Variants in UBTD1 observed in about 807,000 individuals in gnomAD.
UBTD1 encodes the protein ubiquitin domain-containing protein 1.
In UBTD1, 19 loss-of-function variants were observed where a neutral mutation model predicts 21.7. The ratio of observed to expected loss-of-function variants is 0.87; its 90% confidence interval spans 0.61 to 1.28. The LOEUF is 1.28. UBTD1 is among the 50% of genes most tolerant of loss of function. The probability of loss-of-function intolerance (pLI) is 0.00; values close to 1 mark genes in which losing one functional copy is unlikely to be tolerated. For synonymous variants in UBTD1, 116 were observed against 135.1 expected, an observed-to-expected ratio of 0.86 and a Z score of 0.98; for missense variants, 282 against 315.1, an observed-to-expected ratio of 0.89 and a Z score of 0.80.
intron 1 of UBTD1, among the ~76,000 whole-genome samples, chr10:97,546,216 G>A (rs1214225790): frequency 6.6e-6 from 1 of 152,200 alleles, no homozygotes; most frequent in African/African-American, 2.4e-5. Context: ...GGGGTAGTTG[G>A]TGAGTCTCCA....
intron 1 of UBTD1, among the ~76,000 whole-genome samples, chr10:97,542,866 G>A (rs1054104750): frequency 2.0e-5 from 3 of 152,330 alleles, no homozygotes; most frequent in African/African-American, 4.8e-5. Context: ...TAGAACCCTC[G>A]CAGAGGCCTC....
intron 1 of UBTD1, among the ~76,000 whole-genome samples, chr10:97,534,494 T>C (rs191756535): frequency 1.3e-5 from 2 of 152,190 alleles, no homozygotes; most frequent in East Asian, 1.9e-4. Context: ...GATCTTTTAC[T>C]GCGTTTCCCC....
chr10:97,530,869 T>A lies in UBTD1; in HGVS notation c.70+31596T>A, dbSNP rs764276568. Among the ~76,000 whole-genome samples the A allele has an allele frequency of 1.6e-3, 241 of 151,914 alleles. 1 individual carries two copies. The highest frequency in any genetic ancestry group is 1.8e-3 in the Non-Finnish European group (123 of 67,940). ...TGTTTTTATTATATAATTTTTATTT[T>A]AAAAATTTTTTAAATTTTTAAATTT... On this transcript the variant is annotated intron_variant, in intron 1 of 2. Transcript: ENST00000370664.
intron 1 of UBTD1, among the ~76,000 whole-genome samples, chr10:97,505,035 T>A (rs2040392491): frequency 6.6e-6 from 1 of 152,078 alleles, no homozygotes; most frequent in South Asian, 2.1e-4. Flanking sequence ...TATGTCAGAG[T>A]GGACCCCCCT....
intron 1 of UBTD1, among the ~76,000 whole-genome samples, chr10:97,545,723 GTC>G (rs2040607858): frequency 1.3e-5 from 2 of 152,246 alleles, no homozygotes; most frequent in Non-Finnish European, 2.9e-5. Context: ...TCAAGCCCAA[GTC>G]TGCCTGAGGA....
intron 1 of UBTD1, among the ~76,000 whole-genome samples, chr10:97,551,964 A>T (rs1413528885): frequency 6.6e-6 from 1 of 152,100 alleles, no homozygotes; most frequent in Non-Finnish European, 1.5e-5. Flanking sequence ...TCTGGAGTAT[A>T]GTGGCGTAAT....
chr10:97,534,722 T>A (rs183528143), intron 1 of UBTD1, among the ~76,000 whole-genome samples: 153 of 152,172 alleles, frequency 1.0e-3, no homozygotes, highest in African/African-American at 3.6e-3. Flanking sequence ...TCCTCCAGAT[T>A]TTTTCCCTTG....
At position 97,513,820 on chromosome 10, in the gene UBTD1, C is replaced by T. The variant is rs957774948; in HGVS notation, c.70+14547C>T. 7.9e-5 allele frequency among the ~76,000 whole-genome samples: 12 copies of T among 152,016 alleles called. No homozygotes were observed. The East Asian group carries it at 1.9e-3, about 25-fold the overall frequency. The stretch of plus-strand genomic sequence containing the variant: ...CTTGAACTCCTGCGTTCAAGTGATC[C>T]TCCCATCCCACCTCCTGAGTACCTA... On this transcript the variant is annotated intron_variant, in intron 1 of 2. Coordinates refer to ENST00000370664, the MANE Select transcript of UBTD1 (RefSeq NM_024954.5).
intron 1 of UBTD1, among the ~76,000 whole-genome samples, chr10:97,520,045 G>A (rs1282336381): frequency 3.9e-5 from 6 of 152,216 alleles, no homozygotes; most frequent in African/African-American, 1.2e-4. Flanking sequence ...TCAGACCATG[G>A]CAGAGCTTAA....
chr10:97,546,307 G>A (rs1475598341), intron 1 of UBTD1, among the ~76,000 whole-genome samples: 4 of 152,188 alleles, frequency 2.6e-5, no homozygotes, highest in African/African-American at 9.6e-5. Flanking sequence ...GCCACAGGAG[G>A]GCCAGGCATG....
At chr10:97,559,306 A>G (rs184367172) in intron 1 of UBTD1, among the ~76,000 whole-genome samples, 2,357 of 152,350 alleles carry the variant, frequency 0.015, 66 homozygotes, top group African/African-American at 0.054. Flanking sequence ...AAGGGGGACA[A>G]TCAGGGCCTC....
chr10:97,533,922 CAAA>C (rs1162758439), intron 1 of UBTD1, among the ~76,000 whole-genome samples: 6 of 109,952 alleles, frequency 5.5e-5, no homozygotes, highest in Admixed American at 9.8e-5. Flanking sequence ...GACTCCATCT[CAAA>C]AAAAAAAAAA....
At chr10:97,506,445 A>G (rs2040400074) in intron 1 of UBTD1, among the ~76,000 whole-genome samples, 1 of 151,724 alleles carries the variant, frequency 6.6e-6, no homozygotes, top group Non-Finnish European at 1.5e-5. Context: ...GGTAGACAGT[A>G]GTCACTTCTC....
chr10:97,567,967 A>G lies in UBTD1; in HGVS notation c.124A>G (p.Met42Val), dbSNP rs371497381. Residue 42 changes from methionine to valine, a missense_variant, in exon 2 of 3, where the codon ATG becomes GTG. Coordinates refer to ENST00000370664, the MANE Select transcript of UBTD1 (RefSeq NM_024954.5). ...ERLKWKSDYP[M>V]TDGQLRSKRD... ...GCTTAAGTGGAAGAGCGACTACCCCATGACTGACGGGCAGCTGCGGAGCAA... is the reference window on the plus strand; with the variant it reads ...GCTTAAGTGGAAGAGCGACTACCCCGTGACTGACGGGCAGCTGCGGAGCAA... The G allele has an allele frequency of 1.2e-6, 2 of 1,614,020 alleles. No individual in the cohort carries two copies. The highest frequency in any genetic ancestry group is 1.3e-5 in the African/African-American group (1 of 74,930).
chr10:97,521,144 A>G (rs1399641392), intron 1 of UBTD1, among the ~76,000 whole-genome samples: 2 of 152,118 alleles, frequency 1.3e-5, no homozygotes, highest in African/African-American at 4.8e-5. Context: ...TAACCTTGTT[A>G]TTTAATCTGT....
chr10:97,544,717 G>A (rs372463654), intron 1 of UBTD1, among the ~76,000 whole-genome samples: 7 of 152,194 alleles, frequency 4.6e-5, no homozygotes, highest in Non-Finnish European at 1.0e-4. Flanking sequence ...ATGGCCGGGG[G>A]CAGTGGCTCA....
intron 1 of UBTD1, among the ~76,000 whole-genome samples, chr10:97,530,227 G>A (rs11189265): frequency 7.8e-5 from 6 of 76,460 alleles, no homozygotes; most frequent in Admixed American, 4.2e-4. Context: ...TGAATGAATG[G>A]ATGGATGAAT....
rs75337420 is a variant in UBTD1, at chr10:97,499,611, G to A, written c.70+338G>A. On this transcript the variant is annotated intron_variant, in intron 1 of 2. Coordinates refer to ENST00000370664, the MANE Select transcript of UBTD1 (RefSeq NM_024954.5). The stretch of plus-strand genomic sequence containing the variant: ...CGCCGCTGGCCTGGCAGCTCCGGCC[G>A]GGGTCGGACGCCGGCCCGTCGGGGC... Among the ~76,000 whole-genome samples the A allele has an allele frequency of 6.8e-4, 103 of 152,280 alleles. No homozygotes were observed. The East Asian group carries it at 0.019, about 27-fold the overall frequency.
At chr10:97,517,181 G>A (rs1452103540) in intron 1 of UBTD1, among the ~76,000 whole-genome samples, 1 of 152,146 alleles carries the variant, frequency 6.6e-6, no homozygotes, top group Admixed American at 6.5e-5. Context: ...AGGAGGTCCC[G>A]AACTTTGGCG....
Sources: allele counts gnomAD v4.1 joint callset (sites outside exome capture counted in the v4.1 genomes callset), GRCh38; gene constraint gnomAD v4.1.1; transcripts MANE v1.5; gene names NCBI Gene and HGNC (gene_info 2026-07-23, HGNC 2026-07-21).